Variants in CRK observed in about 807,000 individuals in gnomAD.
CRK encodes the protein adapter molecule crk.
Under a neutral mutation model 29.8 loss-of-function variants are expected in CRK, and 4 were observed. The observed-to-expected ratio is 0.13, with a 90% CI of 0.07 to 0.31. The LOEUF is 0.31. Among genes scored for constraint, CRK ranks in the 10% least tolerant of loss-of-function variants. CRK has a pLI of 1.00. For synonymous variants in CRK, 153 were observed against 164.9 expected (o/e 0.93, Z 0.55); for missense variants, 274 against 396.5 (o/e 0.69, Z 2.62).
At chr17:1,444,140 AT>A (rs2073956063) in intron 1 of CRK, among the ~76,000 whole-genome samples, 1 of 151,864 alleles carries the variant, frequency 6.6e-6, no homozygotes, top group African/African-American at 2.4e-5. Flanking sequence ...GGTCTTGTTA[AT>A]TTTGAGAGCA....
chr17:1,446,489 G>A (rs1457164539), intron 1 of CRK, among the ~76,000 whole-genome samples: 1 of 151,996 alleles, frequency 6.6e-6, no homozygotes, highest in Non-Finnish European at 1.5e-5. Context: ...TGAAAGATGA[G>A]TGAGAGAAAA....
At chr17:1,447,404 C>G (rs556618003) in intron 1 of CRK, among the ~76,000 whole-genome samples, 1 of 152,080 alleles carries the variant, frequency 6.6e-6, no homozygotes, top group East Asian at 1.9e-4. Flanking sequence ...TTCAGCTTCT[C>G]GGTACCTGCT....
Position 1,436,603 on chromosome 17 carries a change from T to G in CRK, c.777+17A>C, listed in dbSNP as rs769329030. The G allele has an allele frequency of 1.9e-6, 3 of 1,577,738 alleles. No individual in the cohort carries two copies. Among genetic ancestry groups the G allele is most frequent in the African/African-American group, 1.4e-5 (1 of 73,330 alleles). On this transcript the variant is annotated intron_variant, in intron 2 of 2. Transcript: ENST00000300574. ...CTGCAGCAGATCTCTTCTTTCTACATTGTGCACGTTATGTACCTCCAAAGC... is the reference window on the plus strand; with the variant it reads ...CTGCAGCAGATCTCTTCTTTCTACAGTGTGCACGTTATGTACCTCCAAAGC...
chr17:1,436,838 C>T lies in CRK; in HGVS notation c.559G>A (p.Val187Ile), dbSNP rs776920144. The change falls in exon 2 of 3, where the codon GTC becomes ATC. Residue 187 changes from valine to isoleucine, a missense_variant. Transcript: ENST00000300574. ...GCGGAGGCAGGTCTATACTTCTCGA[C>T]GTAAGGGACTGGAATCATCCCTCTC... is the stretch of plus-strand genomic sequence containing the variant. ...GKRGMIPVPYVEKYRPASASV... is the reference protein window; with the variant it reads ...GKRGMIPVPYIEKYRPASASV... The T allele has an allele frequency of 1.1e-5, 17 of 1,598,386 alleles. No homozygotes were observed. Among genetic ancestry groups the T allele is most frequent in the African/African-American group, 2.7e-5 (2 of 74,626 alleles).
At chr17:1,436,467 AG>A (rs1178197248) in intron 2 of CRK, among the ~76,000 whole-genome samples, 152 bp downstream of exon 2, 1 of 152,162 alleles carries the variant, frequency 6.6e-6, no homozygotes, top group Non-Finnish European at 1.5e-5. Context: ...TATGAAGAAG[AG>A]AAAACCCAAC....
At chr17:1,425,486 T>G (rs2073769828) in intron 2 of CRK, among the ~76,000 whole-genome samples, 1 of 152,052 alleles carries the variant, frequency 6.6e-6, no homozygotes, top group Admixed American at 6.6e-5. Context: ...CCTGTAACTC[T>G]TGGGCTCATG....
chr17:1,455,150 A>G (rs1461625776), intron 1 of CRK, among the ~76,000 whole-genome samples: 2 of 152,222 alleles, frequency 1.3e-5, no homozygotes, highest in African/African-American at 4.8e-5. Flanking sequence ...TTTGAAAACC[A>G]GAACTCTCTA....
intron 1 of CRK, among the ~76,000 whole-genome samples, chr17:1,441,217 C>T (rs965821684): frequency 6.6e-6 from 1 of 151,474 alleles, no homozygotes; most frequent in African/African-American, 2.4e-5. Context: ...CGTGAGCCAC[C>T]ACGCCTGGCC....
intron 1 of CRK, among the ~76,000 whole-genome samples, chr17:1,444,229 C>G (rs1281770863): frequency 6.6e-6 from 1 of 151,784 alleles, no homozygotes; most frequent in African/African-American, 2.4e-5. Context: ...GTACTCCTGG[C>G]CTGGAGTCAT....
At chr17:1,443,866 A>ATT (rs199670686) in intron 1 of CRK, among the ~76,000 whole-genome samples, 1 of 147,618 alleles carries the variant, frequency 6.8e-6, no homozygotes, top group African/African-American at 2.5e-5. Flanking sequence ...CGCCCGGCTA[A>ATT]TTTTTTTGTA....
At chr17:1,424,005 C>G (rs1432752772) in intron 2 of CRK, among the ~76,000 whole-genome samples, 1 of 151,946 alleles carries the variant, frequency 6.6e-6, no homozygotes, top group Non-Finnish European at 1.5e-5. Context: ...TTTCTTTGTA[C>G]TCACTACCCT....
In CRK at chr17:1,423,071, G is replaced by C; in HGVS notation, c.*442C>G. 1.2e-5 allele frequency: 5 copies of C among 403,510 alleles called. No homozygotes were observed. Among genetic ancestry groups the C allele is most frequent in the Non-Finnish European group, 1.3e-5 (3 of 229,008 alleles). 25.0% of individuals were successfully genotyped at this position (403,510 alleles called of 1,614,324 possible). ...CAATCCTGCTTGATACTATTCACAC[G>C]GTGCATGATTACTTCACGGGGGTGG... is the stretch of plus-strand genomic sequence containing the variant. On this transcript the variant is annotated 3_prime_UTR_variant, in exon 3 of 3. Transcript: ENST00000300574.
Position 1,437,200 on chromosome 17 carries a change from G to A in CRK, c.242-45C>T, listed in dbSNP as rs750129488. The A allele has an allele frequency of 5.3e-6, 8 of 1,509,682 alleles. No individual in the cohort carries two copies. The Admixed American group carries it at 1.6e-4, about 30-fold the overall frequency. 93.5% of individuals were successfully genotyped at this position (1,509,682 alleles called of 1,614,324 possible). A position where few individuals can be genotyped will look rare whatever the true frequency, so the allele number is the denominator to read the frequency against. On this transcript the variant is annotated intron_variant, in intron 1 of 2. Coordinates refer to ENST00000300574, the MANE Select transcript of CRK (RefSeq NM_016823.4). ...CTGTTATTTAATGATGTACTACACTGGAAATGAAATGCAGATTTTATTTTT... is the reference window on the plus strand; with the variant it reads ...CTGTTATTTAATGATGTACTACACTAGAAATGAAATGCAGATTTTATTTTT...
chr17:1,455,788 G>A (rs1027773301), intron 1 of CRK, 89 bp downstream of exon 1: 1 of 1,386,742 alleles, frequency 7.2e-7, no homozygotes. Context: ...CACGACCCCC[G>A]AGGGTCCGCT....
chr17:1,441,524 T>C (rs758468072), intron 1 of CRK, among the ~76,000 whole-genome samples: 1 of 151,544 alleles, frequency 6.6e-6, no homozygotes, highest in Non-Finnish European at 1.5e-5. Flanking sequence ...GGAGTCACAT[T>C]CTTGTCACCC....
chr17:1,429,263 G>A (rs1378345874), intron 2 of CRK, among the ~76,000 whole-genome samples: 1 of 151,696 alleles, frequency 6.6e-6, no homozygotes, highest in Non-Finnish European at 1.5e-5. Flanking sequence ...AGACTGAGGG[G>A]AGAGGAACCC....
intron 1 of CRK, among the ~76,000 whole-genome samples, chr17:1,438,825 A>C (rs28570630): frequency 0.033 from 5,014 of 152,054 alleles, 245 homozygotes; most frequent in African/African-American, 0.11. Context: ...GAGTAAATTC[A>C]AACAAGAGTC....
chr17:1,439,118 C>T (rs930912352), intron 1 of CRK, among the ~76,000 whole-genome samples: 5 of 152,268 alleles, frequency 3.3e-5, no homozygotes, highest in African/African-American at 9.6e-5. Context: ...GACACCACGA[C>T]GGAGTCTCGC....
intron 2 of CRK, chr17:1,424,724 CCA>C (rs2073760698): frequency 6.6e-6 from 1 of 152,242 alleles, no homozygotes; most frequent in South Asian, 2.1e-4. Context: ...AAAAAACCAA[CCA>C]TGGCCGGGCG....
Sources: allele counts gnomAD v4.1 joint callset (sites outside exome capture counted in the v4.1 genomes callset), GRCh38; gene constraint gnomAD v4.1.1; transcripts MANE v1.5; gene names NCBI Gene and HGNC (gene_info 2026-07-23, HGNC 2026-07-21).